The following COBLL1 variants were observed in gnomAD, a reference collection of about 807,000 sequenced individuals.
COBLL1 encodes cordon-bleu protein-like 1.
A neutral mutation model predicts 94.8 loss-of-function variants in COBLL1; 50 were observed. The observed-to-expected ratio is 0.53, with a 90% CI of 0.42 to 0.67. The LOEUF is 0.67. COBLL1 is among the 30% of genes least tolerant of loss of function. COBLL1 has a pLI of 0.00. For missense variants in COBLL1, 1,362 were observed against 1,348.7 expected (o/e 1.01, Z -0.15); for synonymous variants, 448 against 473.8 (o/e 0.95, Z 0.71).
At chr2:164,744,327 G>A (rs1002037257) in intron 2 of COBLL1, among the ~76,000 whole-genome samples, 12 of 151,930 alleles carry the variant, frequency 7.9e-5, no homozygotes, top group African/African-American at 2.9e-4. Context: ...TCCACCTCTC[G>A]ATTCAGACAA....
chr2:164,811,480 C>T (rs569956798), intron 2 of COBLL1, among the ~76,000 whole-genome samples: 21 of 152,016 alleles, frequency 1.4e-4, no homozygotes, highest in African/African-American at 4.8e-4. Context: ...GATTTGATGT[C>T]ATCCTAAATT....
rs1250014709 is a variant in COBLL1, at chr2:164,695,803, T to C, written c.1589A>G (p.Asn530Ser). 6.3e-7 allele frequency: 1 copy of C among 1,596,036 alleles called. No homozygotes were observed. Among genetic ancestry groups the C allele is most frequent in the Non-Finnish European group, 8.5e-7 (1 of 1,173,434 alleles). Residue 530 changes from asparagine (N) to serine (S), a missense_variant, in exon 12 of 14, where the codon AAC becomes AGC. Physicochemically the swap from Asn to Ser is conservative, Grantham distance 46. Transcript: ENST00000652658. ...TCCATTTTTCATATTGTCTTCTGTG[T>C]TCTCTGGATAGACAATTATTTCATT... ...VQNEIIVYPENTEDNMKNGVK... is the reference protein window; with the variant it reads ...VQNEIIVYPESTEDNMKNGVK...
chr2:164,838,198 A>G (rs1223563180), intron 2 of COBLL1, among the ~76,000 whole-genome samples: 1 of 152,226 alleles, frequency 6.6e-6, no homozygotes, highest in African/African-American at 2.4e-5. Context: ...AAAGAAAATG[A>G]CACCCAACCC....
chr2:164,787,508 T>C (rs1682924345), intron 2 of COBLL1, among the ~76,000 whole-genome samples: 2 of 152,150 alleles, frequency 1.3e-5, no homozygotes, highest in African/African-American at 4.8e-5. Context: ...TATCAAAACA[T>C]ATTCTATATC....
At chr2:164,659,121 C>T (rs1691028816) in intron 2 of COBLL1, among the ~76,000 whole-genome samples, 1 of 152,150 alleles carries the variant, frequency 6.6e-6, no homozygotes, top group Admixed American at 6.5e-5. Context: ...ACTAGGTAAG[C>T]ATACCTAGAG....
intron 2 of COBLL1, among the ~76,000 whole-genome samples, chr2:164,756,791 A>G (rs184098274): frequency 5.9e-5 from 9 of 152,304 alleles, no homozygotes; most frequent in Non-Finnish European, 1.0e-4. Flanking sequence ...AGGAAAAAAA[A>G]TCTACATACT....
chr2:164,841,319 G>A lies in COBLL1; in HGVS notation c.-50-73C>T, dbSNP rs1032464375. 11 of 1,210,152 alleles carry A rather than the reference G, an allele frequency of 9.1e-6. No individual in the cohort carries two copies. Among genetic ancestry groups the A allele is most frequent in the African/African-American group, 1.6e-5 (1 of 63,404 alleles). The allele number at this position is 1,210,152 out of a possible 1,614,324, so 75.0% of individuals were successfully genotyped here. On this transcript the variant is annotated intron_variant, in intron 1 of 13. Transcript: ENST00000652658. This position sits in a 1 kb window ranked among gnomAD's most constrained non-coding sequence, Gnocchi z 5.5. ...GAGGCCGGAGCGAAGCTGGCTGAGC[G>A]TCAAGAGCCCGCCCGAGCCGCTCCA... is the stretch of plus-strand genomic sequence containing the variant.
intron 1 of COBLL1, among the ~76,000 whole-genome samples, chr2:164,666,325 A>G (rs1175917784): frequency 6.6e-6 from 1 of 152,132 alleles, no homozygotes; most frequent in African/African-American, 2.4e-5. Context: ...CAATAACATT[A>G]TGTCTAAAAA....
At chr2:164,835,062 AAAAAAAACAAAAC>A (rs1348352877) in intron 2 of COBLL1, among the ~76,000 whole-genome samples, 1 of 151,552 alleles carries the variant, frequency 6.6e-6, no homozygotes, top group African/African-American at 2.4e-5. Context: ...AACCACTGTA[AAAAAAAACAAAAC>A]AAAAAAAGAA....
chr2:164,805,335 C>CATATAAAAA (rs1559033572), intron 2 of COBLL1, among the ~76,000 whole-genome samples: 243 of 19,842 alleles, frequency 0.012, 47 homozygotes, highest in African/African-American at 0.045. Flanking sequence ...CTCTCTCTCT[C>CATATAAAAA]TCTATATATA....
chr2:164,701,883 G>A (rs1276720420), intron 9 of COBLL1, among the ~76,000 whole-genome samples: 3 of 141,780 alleles, frequency 2.1e-5, no homozygotes, highest in Non-Finnish European at 4.6e-5. Context: ...CCCAAGGCTG[G>A]GGATGTGGTG....
chr2:164,823,347 T>C lies in COBLL1; in HGVS notation c.41+17809A>G, dbSNP rs181710797. ...AAACTGTTGATTCAAGACTTCTTTT[T>C]CTTCTTAGAATGGGTTATTGATTAA... On this transcript the variant is annotated intron_variant, in intron 2 of 13. Coordinates refer to ENST00000652658, the MANE Select transcript of COBLL1 (RefSeq NM_001365672.2). 3.7e-3 allele frequency among the ~76,000 whole-genome samples: 565 copies of C among 152,344 alleles called. 7 individuals carry two copies. Among genetic ancestry groups the C allele is most frequent in the African/African-American group, 0.012 (519 of 41,576 alleles).
chr2:164,675,405 C>A (rs1691319190), downstream of COBLL1, among the ~76,000 whole-genome samples: 1 of 152,138 alleles, frequency 6.6e-6, no homozygotes, highest in Non-Finnish European at 1.5e-5. Flanking sequence ...GGCCCCATCT[C>A]AGATATCAAA....
intron 2 of COBLL1, among the ~76,000 whole-genome samples, chr2:164,818,720 T>C (rs1324713925): frequency 6.7e-6 from 1 of 148,590 alleles, no homozygotes; most frequent in Non-Finnish European, 1.5e-5. Flanking sequence ...ATATAGTATA[T>C]ATATATGTAC....
At chr2:164,718,441 G>T in intron 7 of COBLL1, 1 of 163,588 alleles carries the variant, frequency 6.1e-6, no homozygotes, top group Non-Finnish European at 1.3e-5. Context: ...TCCATACCAA[G>T]AAGTAAAGTA....
intron 3 of COBLL1, among the ~76,000 whole-genome samples, chr2:164,741,527 TA>T (rs548956601): frequency 0.015 from 2,018 of 136,846 alleles, 13 homozygotes; most frequent in Middle Eastern, 0.069. Context: ...AGTTCCCAAT[TA>T]AAAAAAAAAA....
intron 2 of COBLL1, among the ~76,000 whole-genome samples, chr2:164,811,071 A>G (rs1684434616): frequency 6.6e-6 from 1 of 151,946 alleles, no homozygotes; most frequent in South Asian, 2.1e-4. Flanking sequence ...AATTCATTGC[A>G]TAAAGAACAA....
chr2:164,702,516 A>T (rs1280724195), intron 9 of COBLL1, among the ~76,000 whole-genome samples: 2 of 145,772 alleles, frequency 1.4e-5, no homozygotes, highest in Non-Finnish European at 3.0e-5. Context: ...GTGAGCCGAG[A>T]TCACGCCACT....
intron 3 of COBLL1, among the ~76,000 whole-genome samples, chr2:164,736,848 T>C (rs138190193): frequency 4.3e-4 from 66 of 152,306 alleles, no homozygotes; most frequent in African/African-American, 1.6e-3. Flanking sequence ...GGTGTACATA[T>C]ATGTGCATGC....
Sources: gnomAD v4.1 joint callset for allele counts (sites outside exome capture counted in the v4.1 genomes callset) on GRCh38, gnomAD v4.1.1 for gene constraint, Gnocchi (gnomAD v3.1) non-coding constraint, MANE v1.5 for transcripts, NCBI Gene and HGNC (gene_info 2026-07-23, HGNC 2026-07-21) for gene names.